SSH3: variants seen among roughly 807,000 people sequenced by gnomAD.
The protein encoded by SSH3 is slingshot protein phosphatase 3, also known as protein phosphatase Slingshot homolog 3.
In SSH3, 67 loss-of-function variants were observed where a neutral mutation model predicts 75.0. The observed-to-expected ratio is 0.89, with a 90% CI of 0.73 to 1.10. The LOEUF is 1.10. Among genes scored for constraint, SSH3 ranks in the 50% least tolerant of loss-of-function variants. The probability of loss-of-function intolerance (pLI) is 0.00; values close to 1 mark genes in which losing one functional copy is unlikely to be tolerated. For missense variants in SSH3, 824 were observed against 872.7 expected (o/e 0.94, Z 0.70); for synonymous variants, 318 against 349.2 (o/e 0.91, Z 1.00).
Position 67,311,832 on chromosome 11 carries a change from G to A in SSH3, c.1925G>A (p.Arg642Gln), listed in dbSNP as rs151267958. The stretch of plus-strand genomic sequence containing the variant: ...TGCATTTCCTCTACGCCCAGGTTCC[G>A]GAAGGTGGTGAGACAGGCCAGCGTG... ...EPCISSTPRF[R>Q]KVVRQASVHD... is the part of the protein sequence containing the mutation. Residue 642 changes from arginine (R) to glutamine (Q), a missense_variant, in exon 14 of 14, where the codon CGG (arginine) becomes CAG (glutamine). Coordinates refer to ENST00000308127, the MANE Select transcript of SSH3 (RefSeq NM_017857.4). 4,752 of 1,613,026 alleles carry A rather than the reference G, an allele frequency of 2.9e-3. 11 individuals are homozygous for A. Among genetic ancestry groups the A allele is most frequent in the Non-Finnish European group, 3.6e-3 (4,264 of 1,180,002 alleles).
chr11:67,310,121 C>A lies in SSH3; in HGVS notation c.1465C>A (p.Pro489Thr). 1 of 1,614,158 alleles carries A rather than the reference C, an allele frequency of 6.2e-7. No individual in the cohort carries two copies. Among genetic ancestry groups the A allele is most frequent in the Middle Eastern group, 1.6e-4 (1 of 6,062 alleles). ...GGGTGGGGTCTCCCCAGAGGAGCACCCAGCCCCTGAAGTCTCTACACCATT... is the reference window on the plus strand; with the variant it reads ...GGGTGGGGTCTCCCCAGAGGAGCACACAGCCCCTGAAGTCTCTACACCATT... The part of the protein sequence containing the change: ...KVGGVSPEEH[P>T]APEVSTPFPP... The change falls in exon 13 of 14, where the codon CCA becomes ACA. Residue 489 changes from proline to threonine, a missense_variant. Physicochemically the swap from Pro to Thr is conservative, Grantham distance 38 (BLOSUM62 -1). Transcript: ENST00000308127.
Position 67,309,908 on chromosome 11 carries a change from C to T in SSH3, c.1349C>T (p.Ala450Val). 1 of 1,611,290 alleles carries T rather than the reference C, an allele frequency of 6.2e-7. No individual in the cohort carries two copies. The highest frequency in any genetic ancestry group is 8.5e-7 in the Non-Finnish European group (1 of 1,179,944). Residue 450 changes from alanine (A) to valine (V), a missense_variant, in exon 12 of 14, where the codon GCC becomes GTC. Physicochemically the swap from Ala to Val is moderately conservative, Grantham distance 64. Transcript: ENST00000308127. ...CACGTGCAGGAGCTCCGGCCCATCG[C>T]CCGCCCCAACCCTGGCTTCCTGCGC... ...LRHVQELRPIARPNPGFLRQL... is the reference protein window; with the variant it reads ...LRHVQELRPIVRPNPGFLRQL...
chr11:67,309,379 T>C lies in SSH3; in HGVS notation c.1062-18T>C. 1 of 1,614,086 alleles carries C rather than the reference T, an allele frequency of 6.2e-7. No individual in the cohort carries two copies. The highest frequency in any genetic ancestry group is 8.5e-7 in the Non-Finnish European group (1 of 1,179,996). On this transcript the variant is annotated intron_variant, in intron 10 of 13. Coordinates refer to ENST00000308127, the MANE Select transcript of SSH3 (RefSeq NM_017857.4). ...TACCTCTGCCCACATCAGCCTGGCC[T>C]TGGGCCCTCTGGGACAGGGTCACCC...
rs1861123567 is a variant in SSH3, at chr11:67,303,533, C to T, written c.-93C>T. ...GGTGCCAGGCCCGGGTGGCGCCGTC[C>T]GTCCTTCCTGGTCCTGCGGGTCCAG... On this transcript the variant is annotated 5_prime_UTR_variant, in exon 1 of 14. Transcript: ENST00000308127. The T allele has an allele frequency of 2.3e-6, 3 of 1,306,024 alleles. No homozygotes were observed. The highest frequency in any genetic ancestry group is 3.1e-5 in the African/African-American group (2 of 64,584). 80.9% of individuals were successfully genotyped at this position (1,306,024 alleles called of 1,614,324 possible).
Position 67,311,929 on chromosome 11 carries a change from C to T in SSH3, c.*42C>T. 1 of 1,594,844 alleles carries T rather than the reference C, an allele frequency of 6.3e-7. No individual in the cohort carries two copies. On this transcript the variant is annotated 3_prime_UTR_variant, in exon 14 of 14. Coordinates refer to ENST00000308127, the MANE Select transcript of SSH3 (RefSeq NM_017857.4). ...ACGCTCCCCTGACACTGAAGAGGAT[C>T]CACAACTCCTTGGAGAAACACCCTC...
chr11:67,310,064 A>G lies in SSH3; in HGVS notation c.1410-2A>G. 2 of 1,612,190 alleles carry G rather than the reference A, an allele frequency of 1.2e-6. No homozygotes were observed. The highest frequency in any genetic ancestry group is 1.7e-6 in the Non-Finnish European group (2 of 1,178,878). On this transcript the variant is annotated splice_acceptor_variant, in intron 12 of 13. Transcript: ENST00000308127. LOFTEE classifies it high-confidence loss of function. The stretch of plus-strand genomic sequence containing the variant: ...AGCTGACTCAGGGCCACCTCCTCAC[A>G]GCCGCCAGAGCCATGTCTGGGAGCA...
chr11:67,310,463 C>A, intron 13 of SSH3, 124 bp downstream of exon 13: 1 of 1,290,072 alleles, frequency 7.8e-7, no homozygotes, highest in South Asian at 1.5e-5. Context: ...TAAGTCTGGC[C>A]CGCCCATGCA....
rs755493457 is a variant in SSH3 at position 67,308,721 on chromosome 11, G to A, written c.1061+263G>A. 3.3e-5 allele frequency among the ~76,000 whole-genome samples: 5 copies of A among 151,992 alleles called. No homozygotes were observed. Among genetic ancestry groups the A allele is most frequent in the East Asian group, 2.0e-4 (1 of 5,120 alleles). ...CAAAGGGCCTCAGCCACGCCAAGAC[G>A]AGAAGCAGCAGCGCATACTGCTGTA... On this transcript the variant is annotated intron_variant, in intron 10 of 13. Transcript: ENST00000308127. The surrounding 1 kb of genome is among the most constrained non-coding windows in gnomAD (Gnocchi z 4.9).
rs143144779 is a variant in SSH3 at position 67,307,609 on chromosome 11, G to A, written c.663G>A (p.Pro221=). 100 of 1,613,762 alleles carry A rather than the reference G, an allele frequency of 6.2e-5. No homozygotes were observed. The highest frequency in any genetic ancestry group is 3.7e-4 in the African/African-American group (28 of 75,054). ...CAGCTCTAGGCAGCGGCCTTGTACC[G>A]GGTGGCAGTGCCCTCACCTGGGCCA... The part of the protein sequence containing the change: ...CEAALGSGLV[P]GGSALTWASH... The change falls in exon 7 of 14, where the codon CCG becomes CCA. Residue 221 remains proline (P), a synonymous_variant. Coordinates refer to ENST00000308127, the MANE Select transcript of SSH3 (RefSeq NM_017857.4). This position sits in a 1 kb window ranked among gnomAD's most constrained non-coding sequence, Gnocchi z 4.2.
rs993456499 is a variant in SSH3 at position 67,310,056 on chromosome 11, C to T, written c.1410-10C>T. 9.9e-6 allele frequency: 16 copies of T among 1,611,544 alleles called. No homozygotes were observed. In the African/African-American group the frequency reaches 2.0e-4, roughly 20 times the overall value. ...TCACTCAGAGCTGACTCAGGGCCACCTCCTCACAGCCGCCAGAGCCATGTC... is the reference window on the plus strand; with the variant it reads ...TCACTCAGAGCTGACTCAGGGCCACTTCCTCACAGCCGCCAGAGCCATGTC... On this transcript the variant is annotated splice_polypyrimidine_tract_variant and intron_variant, in intron 12 of 13. Coordinates refer to ENST00000308127, the MANE Select transcript of SSH3 (RefSeq NM_017857.4).
chr11:67,304,950 G>C lies in SSH3; in HGVS notation c.282G>C (p.Gln94His). ...AGAGTCCCCAGAAGCAGGAGGAGCA[G>C]AGGCAGCACCTGCACCTCATGGTAC... ...GSQSPQKQEE[Q>H]RQHLHLMVQL... The change falls in exon 3 of 14, where the codon CAG becomes CAC. Residue 94 changes from glutamine (Q) to histidine (H), a missense_variant. Physicochemically the swap from Gln to His is conservative, Grantham distance 24. Transcript: ENST00000308127. 6.2e-7 allele frequency: 1 copy of C among 1,613,562 alleles called. No individual in the cohort carries two copies. Among genetic ancestry groups the C allele is most frequent in the African/African-American group, 1.3e-5 (1 of 75,034 alleles).
chr11:67,309,127 C>A, intron 10 of SSH3: 2 of 483,544 alleles, frequency 4.1e-6, no homozygotes, highest in Non-Finnish European at 7.5e-6. Flanking sequence ...AAGCTGTTCT[C>A]TAACTCATTT....
intron 10 of SSH3, 51 bp from the exon 11 acceptor site, chr11:67,309,346 G>A (rs1339828009): frequency 1.9e-6 from 3 of 1,606,134 alleles, no homozygotes; most frequent in Non-Finnish European, 2.6e-6. Context: ...GATTGCCAGT[G>A]GGCCTGGTAC....
At chr11:67,303,902 G>T in intron 1 of SSH3, 2 of 768,560 alleles carry the variant, frequency 2.6e-6, no homozygotes, top group East Asian at 3.2e-5. Flanking sequence ...CGGAGGCCCC[G>T]ATCTGAGCGC....
At chr11:67,304,002 G>T in intron 1 of SSH3, 116 bp from the exon 2 acceptor site, 1 of 1,347,450 alleles carries the variant, frequency 7.4e-7, no homozygotes. Context: ...ACTGGGGTGG[G>T]AAGACGATTG....
In SSH3 at chr11:67,308,372, G is replaced by A; in HGVS notation, c.1015-40G>A. On this transcript the variant is annotated intron_variant, in intron 9 of 13. Coordinates refer to ENST00000308127, the MANE Select transcript of SSH3 (RefSeq NM_017857.4). This position sits in a 1 kb window ranked among gnomAD's most constrained non-coding sequence, Gnocchi z 4.9. ...TGAGGGCGGCAGGCCAGGAGCAGAG[G>A]CTGGAGGAGAGGAGAAATGTGCTGT... 6.2e-7 allele frequency: 1 copy of A among 1,613,978 alleles called. No individual in the cohort carries two copies. The highest frequency in any genetic ancestry group is 1.1e-5 in the South Asian group (1 of 91,084).
Position 67,304,151 on chromosome 11 carries a change from C to T in SSH3, c.100C>T (p.Arg34Ter), listed in dbSNP as rs1861156046. ...QAVQRRSRLQRRQSFAVLRGA... is the reference protein window; with the variant it reads ...QAVQRRSRLQ The stretch of plus-strand genomic sequence containing the variant: ...GGTCCAGCGAAGGAGTCGACTCCAG[C>T]GAAGGTGAGCGCCACCTCCCCCACG... Residue 34 changes from arginine to a stop codon, truncating the protein, a stop_gained, in exon 2 of 14, where the codon CGA becomes TGA. Transcript: ENST00000308127. LOFTEE classifies it high-confidence loss of function. The T allele has an allele frequency of 1.3e-6, 2 of 1,598,414 alleles. No homozygotes were observed. Among genetic ancestry groups the T allele is most frequent in the Admixed American group, 3.4e-5 (2 of 59,480 alleles).
rs773711729 is a variant in SSH3 at position 67,309,940 on chromosome 11, C to CAG, written c.1383_1384dup (p.Ile462ArgfsTer7). 3.1e-6 allele frequency: 5 copies of CAG among 1,610,462 alleles called. No individual in the cohort carries two copies. Among genetic ancestry groups the CAG allele is most frequent in the Non-Finnish European group, 8.5e-7 (1 of 1,179,990 alleles). On this transcript the variant is annotated frameshift_variant, in exon 12 of 14. Transcript: ENST00000308127. Reference sequence around the variant, plus strand: ...CAACCCTGGCTTCCTGCGCCAGCTGCAGATCTACCAGGGCATCCTGACGGC... The same window carrying CAG: ...CAACCCTGGCTTCCTGCGCCAGCTGCAGAGATCTACCAGGGCATCCTGACGGC...
chr11:67,304,987 C>T lies in SSH3; in HGVS notation c.319C>T (p.Pro107Ser). 6.2e-7 allele frequency: 1 copy of T among 1,612,022 alleles called. No homozygotes were observed. The highest frequency in any genetic ancestry group is 8.5e-7 in the Non-Finnish European group (1 of 1,179,658). ...GCACCTCATGGTACAGCTGCTGAGGCCGCAGGATGACATCCGCCTGGTGAG... is the reference window on the plus strand; with the variant it reads ...GCACCTCATGGTACAGCTGCTGAGGTCGCAGGATGACATCCGCCTGGTGAG... ...HLHLMVQLLR[P>S]QDDIRLAAQL... The change falls in exon 3 of 14, where the codon CCG becomes TCG. Residue 107 changes from proline to serine, a missense_variant. Coordinates refer to ENST00000308127, the MANE Select transcript of SSH3 (RefSeq NM_017857.4).
Sources: allele counts gnomAD v4.1 joint callset (sites outside exome capture counted in the v4.1 genomes callset), GRCh38; gene constraint gnomAD v4.1.1; non-coding constraint Gnocchi (gnomAD v3.1); transcripts MANE v1.5; gene names NCBI Gene and HGNC (gene_info 2026-07-23, HGNC 2026-07-21).